Variants in ADAMTS17 observed in about 807,000 individuals in gnomAD.
ADAMTS17 encodes the protein A disintegrin and metalloproteinase with thrombospondin motifs 17.
A neutral mutation model predicts 141.5 loss-of-function variants in ADAMTS17; 113 were observed. The observed-to-expected ratio is 0.80, with a 90% CI of 0.69 to 0.93. ADAMTS17 has a LOEUF of 0.93. Among genes scored for constraint, ADAMTS17 ranks in the 40% least tolerant of loss-of-function variants. ADAMTS17 has a pLI of 0.00. For missense variants in ADAMTS17, 1,659 were observed against 1,517.9 expected, an observed-to-expected ratio of 1.09 and a Z score of -1.54; for synonymous variants, 768 against 630.6, an observed-to-expected ratio of 1.22 and a Z score of -3.27.
At chr15:100,181,128 C>T (rs1219814388) in intron 8 of ADAMTS17, among the ~76,000 whole-genome samples, 1 of 152,134 alleles carries the variant, frequency 6.6e-6, no homozygotes, top group Non-Finnish European at 1.5e-5. Context: ...TACTGCCAGG[C>T]TACCACAAGG....
rs769436092 is a variant in ADAMTS17 at position 99,997,078 on chromosome 15, C to T, written c.2796+307G>A. Among the ~76,000 whole-genome samples the T allele has an allele frequency of 6.6e-6, 1 of 152,182 alleles. No homozygotes were observed. The highest frequency in any genetic ancestry group is 6.5e-5 in the Admixed American group (1 of 15,278). On this transcript the variant is annotated intron_variant, in intron 19 of 21. Coordinates refer to ENST00000268070, the MANE Select transcript of ADAMTS17 (RefSeq NM_139057.4). The surrounding 1 kb of genome is among the most constrained non-coding windows in gnomAD (Gnocchi z 4.7). ...CCTGAGCACACCACAGTTAAATACA[C>T]CCAAAGGAGAATTAAAAAGTCGGTC...
At chr15:100,131,701 C>T (rs1437307264) in intron 12 of ADAMTS17, among the ~76,000 whole-genome samples, 3 of 152,174 alleles carry the variant, frequency 2.0e-5, no homozygotes, top group South Asian at 2.1e-4. Flanking sequence ...TGCTAAACCA[C>T]GGGCAGGCTG....
chr15:100,192,105 T>C (rs2040940564), intron 8 of ADAMTS17, among the ~76,000 whole-genome samples: 1 of 152,202 alleles, frequency 6.6e-6, no homozygotes, highest in Non-Finnish European at 1.5e-5. Flanking sequence ...ACTCTGGAAT[T>C]TGGGTAAGAC....
intron 13 of ADAMTS17, among the ~76,000 whole-genome samples, chr15:100,110,175 A>G (rs2036667832): frequency 6.8e-6 from 1 of 147,118 alleles, no homozygotes; most frequent in Non-Finnish European, 1.5e-5. Context: ...CAGTATATAT[A>G]TATATATTTA....
chr15:100,113,030 G>A (rs2036887889), intron 13 of ADAMTS17, among the ~76,000 whole-genome samples: 2 of 152,134 alleles, frequency 1.3e-5, no homozygotes, highest in Admixed American at 1.3e-4. Context: ...AGTTCTCCCT[G>A]GTCCTCTGTG....
chr15:100,020,126 G>A (rs776108634), intron 18 of ADAMTS17, among the ~76,000 whole-genome samples: 2 of 152,174 alleles, frequency 1.3e-5, no homozygotes, highest in Admixed American at 1.3e-4. Context: ...CCCAGGGGAC[G>A]GATTAACACC....
At chr15:100,152,419 A>T (rs1160314077) in intron 10 of ADAMTS17, among the ~76,000 whole-genome samples, 193 bp downstream of exon 10, 1 of 152,132 alleles carries the variant, frequency 6.6e-6, no homozygotes, top group African/African-American at 2.4e-5. Context: ...CACATGTGCA[A>T]ATGCCTGTGA....
At chr15:100,047,882 C>G (rs2031834370) in intron 18 of ADAMTS17, among the ~76,000 whole-genome samples, 2 of 152,200 alleles carry the variant, frequency 1.3e-5, no homozygotes, top group Non-Finnish European at 2.9e-5. Flanking sequence ...CTGCAGTGAG[C>G]TCTTCCTCCA....
At chr15:100,197,091 C>A (rs2041148512) in intron 8 of ADAMTS17, among the ~76,000 whole-genome samples, 1 of 152,218 alleles carries the variant, frequency 6.6e-6, no homozygotes, top group African/African-American at 2.4e-5. Context: ...TTGCAGACCT[C>A]CGCTGCAGGG....
chr15:100,172,847 A>G (rs557865299), intron 8 of ADAMTS17, among the ~76,000 whole-genome samples: 1 of 152,334 alleles, frequency 6.6e-6, no homozygotes, highest in Admixed American at 6.5e-5. Flanking sequence ...TGCCTTGCTG[A>G]GAAAACTTTT....
At chr15:100,060,145 G>A (rs1337933242) in intron 15 of ADAMTS17, among the ~76,000 whole-genome samples, 1 of 152,206 alleles carries the variant, frequency 6.6e-6, no homozygotes, top group Non-Finnish European at 1.5e-5. Context: ...GAATTCTGAA[G>A]CTCTGGTTTG....
At chr15:100,112,031 TC>T (rs1352419459) in intron 13 of ADAMTS17, among the ~76,000 whole-genome samples, 2 of 152,248 alleles carry the variant, frequency 1.3e-5, no homozygotes, top group Non-Finnish European at 2.9e-5. Context: ...GTTTCTGGCT[TC>T]CGAGTGTATC....
chr15:100,286,075 T>C (rs1391280489), intron 3 of ADAMTS17, among the ~76,000 whole-genome samples: 1 of 152,078 alleles, frequency 6.6e-6, no homozygotes, highest in Non-Finnish European at 1.5e-5. Context: ...AGCTAACCAC[T>C]GGAGAGCTCC....
At chr15:100,096,132 A>G (rs981726195) in intron 15 of ADAMTS17, among the ~76,000 whole-genome samples, 4 of 152,288 alleles carry the variant, frequency 2.6e-5, no homozygotes, top group Admixed American at 6.5e-5. Flanking sequence ...CTAAGTGGGG[A>G]GCTGTTTCCG....
At chr15:100,260,135 G>A (rs1176976624) in intron 6 of ADAMTS17, among the ~76,000 whole-genome samples, 3 of 152,050 alleles carry the variant, frequency 2.0e-5, no homozygotes, top group Admixed American at 2.0e-4. Context: ...ATGAGCCATC[G>A]CTCCCGGCTT....
chr15:100,133,415 G>A (rs2038161440), intron 10 of ADAMTS17, 100 bp from the exon 11 acceptor site: 11 of 1,164,080 alleles, frequency 9.4e-6, no homozygotes, highest in Non-Finnish European at 1.4e-5. Context: ...TCAAATTTGG[G>A]ATTCGAAACG....
chr15:100,106,002 ATT>A (rs34467733), intron 14 of ADAMTS17, among the ~76,000 whole-genome samples: 11 of 148,832 alleles, frequency 7.4e-5, no homozygotes, highest in Non-Finnish European at 1.3e-4. Context: ...CAAGAAAATG[ATT>A]TTTTTTTTTC....
At position 100,281,400 on chromosome 15, in the gene ADAMTS17, T is replaced by C; in HGVS notation, c.618A>G (p.Glu206=). The change falls in exon 4 of 22, where the codon GAA becomes GAG. Residue 206 remains glutamate (E), a splice_region_variant and synonymous_variant. Transcript: ENST00000268070. The part of the protein sequence containing the change: ...RPEQLCKVLT[E]KKKPTWGRPS... ...GCCTGCCCCACGTCGGCTTCTTCTT[T>C]TCTAGAAAATGATGGAAACATTTGT... 1 of 1,612,200 alleles carries C rather than the reference T, an allele frequency of 6.2e-7. No individual in the cohort carries two copies. The highest frequency in any genetic ancestry group is 8.5e-7 in the Non-Finnish European group (1 of 1,179,814).
At chr15:100,264,964 T>C (rs1421864334) in intron 4 of ADAMTS17, among the ~76,000 whole-genome samples, 1 of 152,226 alleles carries the variant, frequency 6.6e-6, no homozygotes, top group Non-Finnish European at 1.5e-5. Context: ...TCATGTTAAG[T>C]GTATTTTACT....
Sources: allele counts gnomAD v4.1 joint callset (sites outside exome capture counted in the v4.1 genomes callset), GRCh38; gene constraint gnomAD v4.1.1; non-coding constraint Gnocchi (gnomAD v3.1); transcripts MANE v1.5; gene names NCBI Gene and HGNC (gene_info 2026-07-23, HGNC 2026-07-21).